CDH12: variants seen among roughly 807,000 people sequenced by gnomAD.
The protein encoded by CDH12 is cadherin 12.
Under a neutral mutation model 74.1 loss-of-function variants are expected in CDH12, and 41 were observed. The ratio of observed to expected loss-of-function variants is 0.55; its 90% CI spans 0.43 to 0.72. The LOEUF is 0.72. Ranked by LOEUF, CDH12 falls within the 30% of genes least tolerant of loss-of-function variation. CDH12 has a pLI of 0.00. For synonymous variants in CDH12, 399 were observed against 355.0 expected, an observed-to-expected ratio of 1.12 and a Z score of -1.39; for missense variants, 945 against 977.2, an observed-to-expected ratio of 0.97 and a Z score of 0.44.
chr5:22,585,136 T>A (rs910424911), intron 1 of CDH12, among the ~76,000 whole-genome samples: 1 of 152,212 alleles, frequency 6.6e-6, no homozygotes, highest in South Asian at 2.1e-4. Context: ...TATTGTTTTT[T>A]CTGAAAGTAA....
At chr5:22,617,108 C>T (rs887872959) in intron 1 of CDH12, among the ~76,000 whole-genome samples, 3 of 151,960 alleles carry the variant, frequency 2.0e-5, no homozygotes, top group Non-Finnish European at 2.9e-5. Flanking sequence ...CCCCTGGTTT[C>T]AAGTGAGGCT....
At position 22,448,394 on chromosome 5, in the gene CDH12, C is replaced by T. The variant is rs558348656; in HGVS notation, c.-427-43043G>A. On this transcript the variant is annotated intron_variant, in intron 2 of 14. Coordinates refer to ENST00000382254, the MANE Select transcript of CDH12 (RefSeq NM_004061.5). ...TTCCTTTTCCTCCCAATAAAGCCTG[C>T]CCTTACACCCACAAACATAAAACTA... is the stretch of plus-strand genomic sequence containing the variant. Among the ~76,000 whole-genome samples the T allele has an allele frequency of 1.1e-3, 167 of 151,634 alleles. 1 individual carries two copies. The highest frequency in any genetic ancestry group is 3.9e-3 in the African/African-American group (160 of 41,388).
rs183541614 is a variant in CDH12, at chr5:22,238,593, G to A, written c.-332-25950C>T. 2.6e-5 allele frequency among the ~76,000 whole-genome samples: 4 copies of A among 152,234 alleles called. No homozygotes were observed. The East Asian group carries it at 7.7e-4, about 29-fold the overall frequency. On this transcript the variant is annotated intron_variant, in intron 3 of 14. Transcript: ENST00000382254. ...GAAAGAAAAGAAAAAGCAATGGAAT[G>A]ATTTTTTCCTTGTCAGTGCTGAGGT...
chr5:22,164,634 C>T (rs1217126933), intron 4 of CDH12, among the ~76,000 whole-genome samples: 1 of 152,192 alleles, frequency 6.6e-6, no homozygotes, highest in African/African-American at 2.4e-5. Flanking sequence ...AGGGGGTTGC[C>T]TTTGCTGGCT....
At chr5:22,302,201 A>G (rs1737914269) in intron 3 of CDH12, among the ~76,000 whole-genome samples, 1 of 152,218 alleles carries the variant, frequency 6.6e-6, no homozygotes, top group African/African-American at 2.4e-5. Flanking sequence ...AACAAGTAAG[A>G]AAGAAATGAA....
chr5:22,342,271 CAGAG>C (rs897288824), intron 3 of CDH12, among the ~76,000 whole-genome samples: 7 of 152,228 alleles, frequency 4.6e-5, no homozygotes, highest in African/African-American at 1.7e-4. Context: ...CAGTCCTTAG[CAGAG>C]AGAAATGAGG....
chr5:21,989,165 A>G (rs33309), intron 5 of CDH12, among the ~76,000 whole-genome samples: 68 of 152,230 alleles, frequency 4.5e-4, no homozygotes, highest in Non-Finnish European at 4.4e-5. Context: ...TAGTCACAAG[A>G]TTGTCAACAA....
At chr5:22,720,637 T>C (rs2126988665) in intron 1 of CDH12, among the ~76,000 whole-genome samples, 1 of 151,966 alleles carries the variant, frequency 6.6e-6, no homozygotes, top group East Asian at 2.0e-4. Context: ...CTTCCTAGGG[T>C]CCTGGAGGAC....
rs112919357 is a variant in CDH12 at position 22,578,087 on chromosome 5, G to A, written c.-522-72723C>T. ...AAAGCTGAAAAGTCTTTCAAGTATTGTCATCACTCTTACTATTCATTATCT... is the reference window on the plus strand; with the variant it reads ...AAAGCTGAAAAGTCTTTCAAGTATTATCATCACTCTTACTATTCATTATCT... On this transcript the variant is annotated intron_variant, in intron 1 of 14. Transcript: ENST00000382254. Among the ~76,000 whole-genome samples the A allele has an allele frequency of 6.6e-3, 1,002 of 152,188 alleles. 11 individuals carry two copies. The highest frequency in any genetic ancestry group is 0.022 in the African/African-American group (921 of 41,540).
intron 6 of CDH12, among the ~76,000 whole-genome samples, chr5:21,900,341 T>G (rs2150053239): frequency 6.6e-6 from 1 of 152,324 alleles, no homozygotes; most frequent in African/African-American, 2.4e-5. Flanking sequence ...AACAATACGT[T>G]ATTATTCTAA....
chr5:22,159,811 T>A (rs944710030), intron 4 of CDH12, among the ~76,000 whole-genome samples: 1 of 152,178 alleles, frequency 6.6e-6, no homozygotes, highest in African/African-American at 2.4e-5. Flanking sequence ...AGTTTAATAG[T>A]TCATTAACAA....
intron 1 of CDH12, among the ~76,000 whole-genome samples, chr5:22,624,474 C>A (rs1202396733): frequency 1.3e-5 from 2 of 152,088 alleles, no homozygotes; most frequent in Non-Finnish European, 2.9e-5. Flanking sequence ...AAAAAACAAA[C>A]AACCTCCATC....
intron 3 of CDH12, among the ~76,000 whole-genome samples, chr5:22,297,247 C>T (rs2150417112): frequency 6.6e-6 from 1 of 152,226 alleles, no homozygotes; most frequent in South Asian, 2.1e-4. Context: ...TCTCAAACTC[C>T]CGACCTCAGG....
At chr5:22,636,310 C>T (rs1738837698) in intron 1 of CDH12, among the ~76,000 whole-genome samples, 1 of 152,022 alleles carries the variant, frequency 6.6e-6, no homozygotes, top group Admixed American at 6.6e-5. Flanking sequence ...TTATTTTCAC[C>T]CCTAAGTGTA....
At chr5:22,664,005 T>C (rs1474038457) in intron 1 of CDH12, among the ~76,000 whole-genome samples, 1 of 152,156 alleles carries the variant, frequency 6.6e-6, no homozygotes. Flanking sequence ...GAGGTAGAAC[T>C]CTAGTACATA....
chr5:22,763,400 A>T (rs1157149331), intron 1 of CDH12, among the ~76,000 whole-genome samples: 1 of 151,984 alleles, frequency 6.6e-6, no homozygotes. Context: ...ATGTGAAAGA[A>T]AATGATTATC....
intron 3 of CDH12, among the ~76,000 whole-genome samples, chr5:22,320,254 T>C (rs919958042): frequency 6.6e-6 from 1 of 152,266 alleles, no homozygotes; most frequent in East Asian, 1.9e-4. Flanking sequence ...TAAGTATAGG[T>C]GACTTGATGT....
At chr5:22,576,227 C>T (rs1739780999) in intron 1 of CDH12, among the ~76,000 whole-genome samples, 2 of 152,126 alleles carry the variant, frequency 1.3e-5, no homozygotes, top group Admixed American at 1.3e-4. Flanking sequence ...GATGGCCATG[C>T]GCAGTCCTGC....
chr5:22,322,183 C>T (rs979458045), intron 3 of CDH12, among the ~76,000 whole-genome samples: 8 of 151,940 alleles, frequency 5.3e-5, no homozygotes, highest in Non-Finnish European at 1.0e-4. Context: ...AGTATAAAGG[C>T]CATTTAGGTT....
Sources: gnomAD v4.1 joint callset for allele counts (sites outside exome capture counted in the v4.1 genomes callset) on GRCh38, gnomAD v4.1.1 for gene constraint, MANE v1.5 for transcripts, NCBI Gene and HGNC (gene_info 2026-07-23, HGNC 2026-07-21) for gene names.